The following SIKE1 variants were observed in gnomAD, a reference collection of about 807,000 sequenced individuals.
The protein encoded by SIKE1 is suppressor of IKK epsilon.
Under a neutral mutation model 25.8 loss-of-function variants are expected in SIKE1, and 13 were observed. The observed-to-expected ratio is 0.50, with a 90% CI of 0.33 to 0.80. SIKE1 has a LOEUF of 0.80. Among genes scored for constraint, SIKE1 ranks in the 30% least tolerant of loss-of-function variants. The pLI, the probability that SIKE1 is intolerant of heterozygous loss-of-function variation, is 0.02. For missense variants in SIKE1, 222 were observed against 252.4 expected (o/e 0.88, Z 0.82); for synonymous variants, 86 against 95.5 (o/e 0.90, Z 0.58).
intron 2 of SIKE1, 22 bp downstream of exon 2, chr1:114,780,088 G>T (rs373435930): frequency 6.5e-7 from 1 of 1,535,868 alleles, no homozygotes; most frequent in Non-Finnish European, 8.9e-7. Context: ...ACTATTACCA[G>T]ATATGAAAAG....
rs1662106270 is a variant in SIKE1 at position 114,772,887 on chromosome 1, T to C, written c.*1384A>G. The C allele has an allele frequency of 6.6e-6, 1 of 152,230 alleles. No homozygotes were observed. Among genetic ancestry groups the C allele is most frequent in the African/African-American group, 2.4e-5 (1 of 41,470 alleles). The allele number at this position is 152,230 out of a possible 1,614,324, so 9.4% of individuals were successfully genotyped here. On this transcript the variant is annotated 3_prime_UTR_variant, in exon 5 of 5. Coordinates refer to ENST00000060969, the MANE Select transcript of SIKE1 (RefSeq NM_025073.3). Reference sequence around the variant, plus strand: ...GCTCTAGATGACATCCATTAGTTATTACTGGGATCAGATGCTTTTAGGACA... The same window carrying C: ...GCTCTAGATGACATCCATTAGTTATCACTGGGATCAGATGCTTTTAGGACA...
intron 4 of SIKE1, 30 bp from the exon 5 acceptor site, chr1:114,774,402 G>T (rs1241994116): frequency 1.3e-6 from 2 of 1,494,982 alleles, no homozygotes; most frequent in Non-Finnish European, 9.2e-7. Context: ...TTTATTTCTG[G>T]TATTTTTACT....
chr1:114,774,194 T>A lies in SIKE1; in HGVS notation c.*77A>T. ...TAAATCAAATCTGAGGCAAGACACT[T>A]AATGGACAGTACTTGAATGGGAAGA... On this transcript the variant is annotated 3_prime_UTR_variant, in exon 5 of 5. Transcript: ENST00000060969. 1 of 1,141,222 alleles carries A rather than the reference T, an allele frequency of 8.8e-7. No individual in the cohort carries two copies. The highest frequency in any genetic ancestry group is 1.3e-6 in the Non-Finnish European group (1 of 771,314). 70.7% of individuals were successfully genotyped at this position (1,141,222 alleles called of 1,614,324 possible).
chr1:114,776,452 T>C lies in SIKE1; in HGVS notation c.416A>G (p.Glu139Gly). The C allele has an allele frequency of 6.2e-7, 1 of 1,606,100 alleles. No homozygotes were observed. The highest frequency in any genetic ancestry group is 8.5e-7 in the Non-Finnish European group (1 of 1,172,878). ...KAHQSHSAEI[E>G]SQIDRICEMG... ...TTCACAGATTCTGTCAATCTGACTC[T>C]CAATTTCCTGTGAAGATATTAAGGA... Residue 139 changes from glutamate (E) to glycine (G), a missense_variant, in exon 4 of 5, where the codon GAG (glutamate) becomes GGG (glycine). Coordinates refer to ENST00000060969, the MANE Select transcript of SIKE1 (RefSeq NM_025073.3).
At position 114,771,851 on chromosome 1, in the gene SIKE1, A is replaced by T. The variant is rs1037580096; in HGVS notation, c.*2420T>A. The T allele has an allele frequency of 6.6e-6, 1 of 152,182 alleles. No individual in the cohort carries two copies. The highest frequency in any genetic ancestry group is 1.5e-5 in the Non-Finnish European group (1 of 68,006). 9.4% of individuals were successfully genotyped at this position (152,182 alleles called of 1,614,324 possible). On this transcript the variant is annotated 3_prime_UTR_variant, in exon 5 of 5. Coordinates refer to ENST00000060969, the MANE Select transcript of SIKE1 (RefSeq NM_025073.3). ...CATCTTTTAGAGTGCTAACTATTACACAATGGGGCCTAGACTAGATATTTT... is the reference window on the plus strand; with the variant it reads ...CATCTTTTAGAGTGCTAACTATTACTCAATGGGGCCTAGACTAGATATTTT...
At chr1:114,774,954 T>C (rs1055822391) in intron 4 of SIKE1, among the ~76,000 whole-genome samples, 2 of 152,172 alleles carry the variant, frequency 1.3e-5, no homozygotes, top group East Asian at 3.9e-4. Flanking sequence ...TTCCTAAAAG[T>C]TGTCCAAATT....
rs564512738 is a variant in SIKE1 at position 114,771,092 on chromosome 1, C to T, written c.*3179G>A. On this transcript the variant is annotated 3_prime_UTR_variant, in exon 5 of 5. Coordinates refer to ENST00000060969, the MANE Select transcript of SIKE1 (RefSeq NM_025073.3). ...GCCATGACATTTGGCTTGGCAACAA[C>T]TTTCTAGCAAACACAAGAAAACAGC... 9.8e-5 allele frequency: 15 copies of T among 152,330 alleles called. No individual in the cohort carries two copies. Among genetic ancestry groups the T allele is most frequent in the African/African-American group, 3.4e-4 (14 of 41,588 alleles). The allele number at this position is 152,330 out of a possible 1,614,324, so 9.4% of individuals were successfully genotyped here.
At chr1:114,779,431 T>A in intron 2 of SIKE1, 147 bp from the exon 3 acceptor site, 1 of 822,802 alleles carries the variant, frequency 1.2e-6, no homozygotes, top group Non-Finnish European at 1.9e-6. Context: ...ACTGAACAGT[T>A]AAAGTCTATG....
At chr1:114,780,418 G>T in intron 1 of SIKE1, 31 bp downstream of exon 1, 2 of 1,609,888 alleles carry the variant, frequency 1.2e-6, no homozygotes, top group South Asian at 1.1e-5. Context: ...CCCAGAATCC[G>T]AGAGCACTGG....
In SIKE1 at chr1:114,771,153, T is replaced by C. The variant is rs1306753547; in HGVS notation, c.*3118A>G. On this transcript the variant is annotated 3_prime_UTR_variant, in exon 5 of 5. Coordinates refer to ENST00000060969, the MANE Select transcript of SIKE1 (RefSeq NM_025073.3). ...TAAGCCAATATGGTAAGGAGGCAGA[T>C]TTGAAAGACAGAACTGCACCTTTTC... 1 of 152,216 alleles carries C rather than the reference T, an allele frequency of 6.6e-6. No individual in the cohort carries two copies. Among genetic ancestry groups the C allele is most frequent in the Non-Finnish European group, 1.5e-5 (1 of 68,040 alleles). 9.4% of individuals were successfully genotyped at this position (152,216 alleles called of 1,614,324 possible). A position where few individuals can be genotyped will look rare whatever the true frequency, so the allele number is the denominator to read the frequency against.
At chr1:114,774,637 A>G (rs1662162561) in intron 4 of SIKE1, among the ~76,000 whole-genome samples, 1 of 152,214 alleles carries the variant, frequency 6.6e-6, no homozygotes, top group African/African-American at 2.4e-5. Flanking sequence ...ATTACAAAGG[A>G]GAAACAAAAA....
At chr1:114,776,575 T>G in intron 3 of SIKE1, 116 bp from the exon 4 acceptor site, 2 of 706,694 alleles carry the variant, frequency 2.8e-6, no homozygotes, top group South Asian at 1.6e-5. Context: ...GATACAGAAG[T>G]TACAATGGAG....
chr1:114,778,556 T>C (rs1321814364), intron 3 of SIKE1, among the ~76,000 whole-genome samples: 1 of 152,174 alleles, frequency 6.6e-6, no homozygotes, highest in Admixed American at 6.5e-5. Flanking sequence ...TAAGAATTAA[T>C]GAACATTTTC....
rs144095384 is a variant in SIKE1, at chr1:114,778,795, G to A, written c.408+347C>T. ...AATCCCAGCACTTTGGAAGGCTAAC[G>A]TGGGTGGATCGCTTGAGCCCAGGAG... is the stretch of plus-strand genomic sequence containing the variant. On this transcript the variant is annotated intron_variant, in intron 3 of 4. Transcript: ENST00000060969. 4.2e-4 allele frequency: 109 copies of A among 257,240 alleles called. 1 individual carries two copies. In the East Asian group the frequency reaches 7.4e-3, roughly 17 times the overall value. 15.9% of individuals were successfully genotyped at this position (257,240 alleles called of 1,614,324 possible).
rs1426124675 is a variant in SIKE1 at position 114,778,357 on chromosome 1, G to GAT, written c.408+783_408+784dup. ...CTTCTCTCCCCTAACAACATAGTAT[G>GAT]ATACTATGTGGTTCAGTTTATAAAA... On this transcript the variant is annotated intron_variant, in intron 3 of 4. Coordinates refer to ENST00000060969, the MANE Select transcript of SIKE1 (RefSeq NM_025073.3). 2.6e-5 allele frequency among the ~76,000 whole-genome samples: 4 copies of GAT among 152,270 alleles called. No homozygotes were observed. The East Asian group carries it at 7.7e-4, about 29-fold the overall frequency.
chr1:114,774,131 G>T lies in SIKE1; in HGVS notation c.*140C>A. On this transcript the variant is annotated 3_prime_UTR_variant, in exon 5 of 5. Coordinates refer to ENST00000060969, the MANE Select transcript of SIKE1 (RefSeq NM_025073.3). ...GAACTGTGGACAGCCAATATTGACT[G>T]GAATTCTAAATTGCCACCTGATACC... The T allele has an allele frequency of 1.8e-6, 1 of 563,046 alleles. No homozygotes were observed. The highest frequency in any genetic ancestry group is 3.1e-6 in the Non-Finnish European group (1 of 318,848). 34.9% of individuals were successfully genotyped at this position (563,046 alleles called of 1,614,324 possible). A position where few individuals can be genotyped will look rare whatever the true frequency, so the allele number is the denominator to read the frequency against.
At position 114,774,368 on chromosome 1, in the gene SIKE1, T is replaced by G. The variant is rs1159897528; in HGVS notation, c.527A>C (p.Glu176Ala). The change falls in exon 5 of 5, where the codon GAA (glutamate) becomes GCA (alanine). Residue 176 changes from glutamate (E) to alanine (A), a missense_variant. Glu to Ala is a moderately radical substitution (Grantham distance 107, BLOSUM62 -1). Coordinates refer to ENST00000060969, the MANE Select transcript of SIKE1 (RefSeq NM_025073.3). ...CAATAATTCTCGAAGTTCCTTATTT[T>G]CAAGCTGGAAAAAAAAAGGCATGTT... ...IQEKLAQLELENKELRELLSI... is the reference protein window; with the variant it reads ...IQEKLAQLELANKELRELLSI... The G allele has an allele frequency of 6.2e-7, 1 of 1,603,864 alleles. No individual in the cohort carries two copies. The highest frequency in any genetic ancestry group is 1.7e-5 in the Admixed American group (1 of 59,796).
At position 114,774,385 on chromosome 1, in the gene SIKE1, A is replaced by G. The variant is rs767922504; in HGVS notation, c.523-13T>C. ...CCTTATTTTCAAGCTGGAAAAAAAAAGGCATGTTTATTTCTGGTATTTTTA... is the reference window on the plus strand; with the variant it reads ...CCTTATTTTCAAGCTGGAAAAAAAAGGGCATGTTTATTTCTGGTATTTTTA... On this transcript the variant is annotated splice_polypyrimidine_tract_variant and intron_variant, in intron 4 of 4. Coordinates refer to ENST00000060969, the MANE Select transcript of SIKE1 (RefSeq NM_025073.3). 5.7e-6 allele frequency: 9 copies of G among 1,577,142 alleles called. No individual in the cohort carries two copies. Among genetic ancestry groups the G allele is most frequent in the Middle Eastern group, 1.7e-4 (1 of 5,980 alleles).
chr1:114,770,658 T>A lies in SIKE1; in HGVS notation c.*3613A>T, dbSNP rs934184885. 3 of 152,224 alleles carry A rather than the reference T, an allele frequency of 2.0e-5. No homozygotes were observed. The highest frequency in any genetic ancestry group is 7.2e-5 in the African/African-American group (3 of 41,460). The allele number at this position is 152,224 out of a possible 1,614,324, so 9.4% of individuals were successfully genotyped here. On this transcript the variant is annotated 3_prime_UTR_variant, in exon 5 of 5. Coordinates refer to ENST00000060969, the MANE Select transcript of SIKE1 (RefSeq NM_025073.3). ...TGCTCTGCCTCATTAGGTGAGGGAT[T>A]CCTTAAACACAGGAGTTAGGATACT...
Sources: gnomAD v4.1 joint callset for allele counts (sites outside exome capture counted in the v4.1 genomes callset) on GRCh38, gnomAD v4.1.1 for gene constraint, MANE v1.5 for transcripts, NCBI Gene and HGNC (gene_info 2026-07-23, HGNC 2026-07-21) for gene names.